The following PCLO variants were observed in gnomAD, a reference collection of about 807,000 sequenced individuals.
The protein encoded by PCLO is protein piccolo.
A neutral mutation model predicts 427.5 loss-of-function variants in PCLO; 82 were observed. The observed-to-expected ratio is 0.19, with a 90% confidence interval of 0.16 to 0.23. The LOEUF (loss-of-function observed/expected upper bound fraction) is 0.23. Ranked by LOEUF, PCLO falls within the 10% of genes least tolerant of loss-of-function variation. The pLI is 1.00. For missense variants in PCLO, 6,239 were observed against 6,115.9 expected (o/e 1.02, Z -0.67); for synonymous variants, 2,357 against 2,155.4 (o/e 1.09, Z -2.59).
chr7:82,852,132 T>C (rs1792677404), intron 10 of PCLO, among the ~76,000 whole-genome samples: 2 of 152,020 alleles, frequency 1.3e-5, no homozygotes, highest in Non-Finnish European at 2.9e-5. Flanking sequence ...GTCCTGCTTA[T>C]TTACAGAACA....
In PCLO at chr7:83,045,091, T is replaced by C. The variant is rs149172000; in HGVS notation, c.3301-78604A>G. ...GACATTTCATCTGATTAGGCCCTGA[T>C]TTTTCTCAAGCAAGGTATATCTGAT... On this transcript the variant is annotated intron_variant, in intron 3 of 24. Coordinates refer to ENST00000333891, the MANE Select transcript of PCLO (RefSeq NM_033026.6). 3.0e-3 allele frequency among the ~76,000 whole-genome samples: 458 copies of C among 152,284 alleles called. 2 individuals carry two copies. Among genetic ancestry groups the C allele is most frequent in the African/African-American group, 0.01 (432 of 41,566 alleles).
chr7:82,857,181 T>A (rs1792830195), intron 10 of PCLO, among the ~76,000 whole-genome samples: 1 of 152,180 alleles, frequency 6.6e-6, no homozygotes, highest in Non-Finnish European at 1.5e-5. Context: ...ACTAAAATGC[T>A]ATCAAATCTT....
intron 9 of PCLO, among the ~76,000 whole-genome samples, chr7:82,898,547 T>C (rs1793962578): frequency 6.6e-6 from 1 of 151,418 alleles, no homozygotes; most frequent in Non-Finnish European, 1.5e-5. Context: ...TAGGTTTATG[T>C]AACCAAAATT....
At chr7:83,004,751 G>A (rs774241402) in intron 3 of PCLO, among the ~76,000 whole-genome samples, 8 of 151,398 alleles carry the variant, frequency 5.3e-5, no homozygotes, top group Non-Finnish European at 7.4e-5. Flanking sequence ...CAGAATGAGA[G>A]AAAATATTTG....
intron 3 of PCLO, among the ~76,000 whole-genome samples, chr7:82,981,348 G>T (rs185184867): frequency 2.5e-4 from 38 of 152,070 alleles, no homozygotes; most frequent in African/African-American, 9.2e-4. Context: ...ACAGCAGGCA[G>T]ATCTTGAAGA....
chr7:82,977,750 A>G (rs181785981), intron 3 of PCLO, among the ~76,000 whole-genome samples: 1 of 152,252 alleles, frequency 6.6e-6, no homozygotes, highest in African/African-American at 2.4e-5. Flanking sequence ...GGGCACAAAG[A>G]ATAACTTTAA....
chr7:83,159,176 G>A (rs953673193), intron 1 of PCLO, among the ~76,000 whole-genome samples: 5 of 152,050 alleles, frequency 3.3e-5, no homozygotes, highest in East Asian at 1.9e-4. Context: ...TCATGTATTC[G>A]TTTTACTTTA....
chr7:82,763,709 T>C (rs1790476507), intron 22 of PCLO, among the ~76,000 whole-genome samples: 1 of 152,056 alleles, frequency 6.6e-6, no homozygotes, highest in East Asian at 1.9e-4. Flanking sequence ...ACTAATACTG[T>C]AGTCCAAAAA....
chr7:82,848,152 G>A (rs1562816222), intron 10 of PCLO, among the ~76,000 whole-genome samples: 1 of 151,844 alleles, frequency 6.6e-6, no homozygotes, highest in Non-Finnish European at 1.5e-5. Flanking sequence ...GTCCACGTGT[G>A]GCATGATTCA....
chr7:82,826,729 G>A (rs1353495802), intron 17 of PCLO, 69 bp from the exon 18 acceptor site: 2 of 893,688 alleles, frequency 2.2e-6, no homozygotes, highest in Non-Finnish European at 3.4e-6. Flanking sequence ...CACACATACA[G>A]TAGACATATT....
intron 22 of PCLO, among the ~76,000 whole-genome samples, chr7:82,792,609 G>T (rs764568441): frequency 6.6e-6 from 1 of 151,966 alleles, no homozygotes; most frequent in Non-Finnish European, 1.5e-5. Context: ...ATTACAGGGT[G>T]AGCCACCTCA....
rs979292129 is a variant in PCLO at position 82,996,790 on chromosome 7, T to G, written c.3301-30303A>C. Among the ~76,000 whole-genome samples the G allele has an allele frequency of 3.3e-5, 5 of 151,988 alleles. No homozygotes were observed. The Admixed American group carries it at 3.3e-4, about 10-fold the overall frequency. ...CTCTTTGTGTAAGTCTCCCTTGGAC[T>G]CTTAACCACTTTCAAAGAAGGACAC... On this transcript the variant is annotated intron_variant, in intron 3 of 24. Coordinates refer to ENST00000333891, the MANE Select transcript of PCLO (RefSeq NM_033026.6).
chr7:82,855,407 AT>A (rs1431034246), intron 10 of PCLO, among the ~76,000 whole-genome samples: 1 of 152,154 alleles, frequency 6.6e-6, no homozygotes, highest in Non-Finnish European at 1.5e-5. Flanking sequence ...AAAAAAACTA[AT>A]TCAACTTATG....
At chr7:83,007,359 T>C (rs1182923425) in intron 3 of PCLO, among the ~76,000 whole-genome samples, 1 of 151,530 alleles carries the variant, frequency 6.6e-6, no homozygotes, top group South Asian at 2.1e-4. Flanking sequence ...AACAGGTGAA[T>C]ACATTGTTGT....
Position 82,943,525 on chromosome 7 carries a change from T to C in PCLO, c.11112+5951A>G, listed in dbSNP as rs116729308. On this transcript the variant is annotated intron_variant, in intron 6 of 24. Coordinates refer to ENST00000333891, the MANE Select transcript of PCLO (RefSeq NM_033026.6). The stretch of plus-strand genomic sequence containing the variant: ...AAGATACATAAATCTTGAAATAAAT[T>C]AGGTACCTACTAGCTCTAAACAAAT... 1.0e-2 allele frequency among the ~76,000 whole-genome samples: 1,519 copies of C among 151,994 alleles called. 23 individuals carry two copies. The highest frequency in any genetic ancestry group is 0.035 in the African/African-American group (1,460 of 41,332).
chr7:82,855,796 T>C (rs1398556242), intron 10 of PCLO, among the ~76,000 whole-genome samples: 7 of 152,024 alleles, frequency 4.6e-5, no homozygotes, highest in African/African-American at 7.2e-5. Flanking sequence ...AGAAAAATAA[T>C]GTAAGAAGGA....
chr7:83,161,725 T>G (rs1305642358), intron 1 of PCLO, among the ~76,000 whole-genome samples: 1 of 152,236 alleles, frequency 6.6e-6, no homozygotes, highest in Non-Finnish European at 1.5e-5. Flanking sequence ...TAGAAATATA[T>G]GTACAGCACC....
At position 82,822,658 on chromosome 7, in the gene PCLO, A is replaced by G. The variant is rs367965146; in HGVS notation, c.14628T>C (p.His4876=). The change falls in exon 20 of 25, where the codon CAT becomes CAC. Residue 4876 remains histidine (H), a synonymous_variant. Coordinates refer to ENST00000333891, the MANE Select transcript of PCLO (RefSeq NM_033026.6). The part of the protein sequence containing the change: ...DMQVPTIEKS[H]SSPGSSKSSS... ...ATGATTTTGAGCTACCAGGACTACT[A>G]TGGGATTTCTCAATGGTGGGAACCT... 8.9e-5 allele frequency: 144 copies of G among 1,613,582 alleles called. No homozygotes were observed. Among genetic ancestry groups the G allele is most frequent in the Admixed American group, 3.3e-4 (20 of 59,988 alleles).
At chr7:82,845,549 T>G (rs1792479439) in intron 12 of PCLO, 64 bp from the exon 13 acceptor site, 1 of 1,097,752 alleles carries the variant, frequency 9.1e-7, no homozygotes, top group South Asian at 1.3e-5. Flanking sequence ...ACCATGGAAC[T>G]ATGTGAGTTC....
Sources: gnomAD v4.1 joint callset for allele counts (sites outside exome capture counted in the v4.1 genomes callset) on GRCh38, gnomAD v4.1.1 for gene constraint, MANE v1.5 for transcripts, NCBI Gene and HGNC (gene_info 2026-07-23, HGNC 2026-07-21) for gene names.